The following HNRNPLL variants were observed in gnomAD, a reference collection of about 807,000 sequenced individuals.
HNRNPLL encodes heterogeneous nuclear ribonucleoprotein L like.
HNRNPLL carries 25 observed loss-of-function variants against 67.1 expected under a neutral mutation model. That is an observed-to-expected ratio of 0.37 (90% CI 0.27 to 0.52). The LOEUF (loss-of-function observed/expected upper bound fraction) is 0.52, where lower values mean the gene tolerates loss of function less well. Among genes scored for constraint, HNRNPLL ranks in the 20% least tolerant of loss-of-function variants. The probability of loss-of-function intolerance (pLI) is 0.90; values close to 1 mark genes in which losing one functional copy is unlikely to be tolerated. For synonymous variants in HNRNPLL, 267 were observed against 241.7 expected (o/e 1.10, Z -0.97); for missense variants, 542 against 673.9 (o/e 0.80, Z 2.17).
intron 6 of HNRNPLL, among the ~76,000 whole-genome samples, chr2:38,577,752 T>A (rs904778546): frequency 1.3e-5 from 2 of 152,120 alleles, no homozygotes; most frequent in African/African-American, 4.8e-5. Flanking sequence ...CTTGAATATA[T>A]CTTTTTGGCA....
intron 1 of HNRNPLL, among the ~76,000 whole-genome samples, chr2:38,597,964 G>A (rs1667273151): frequency 6.6e-6 from 1 of 152,076 alleles, no homozygotes; most frequent in Non-Finnish European, 1.5e-5. Flanking sequence ...TGGGATTACA[G>A]GCGTGAGCCA....
At chr2:38,594,700 G>C (rs1411781272) in intron 1 of HNRNPLL, among the ~76,000 whole-genome samples, 1 of 152,164 alleles carries the variant, frequency 6.6e-6, no homozygotes, top group African/African-American at 2.4e-5. Context: ...TGTAATCCCA[G>C]CACTTTGGGA....
intron 1 of HNRNPLL, among the ~76,000 whole-genome samples, chr2:38,596,106 A>G (rs1195281626): frequency 6.6e-6 from 1 of 151,736 alleles, no homozygotes; most frequent in Non-Finnish European, 1.5e-5. Flanking sequence ...CAAATATAAA[A>G]CCAATGTATC....
chr2:38,583,363 G>C (rs973995096), intron 4 of HNRNPLL, among the ~76,000 whole-genome samples: 8 of 152,036 alleles, frequency 5.3e-5, no homozygotes, highest in Admixed American at 1.3e-4. Context: ...TATTTAAGAT[G>C]GGTCCAGCTT....
At chr2:38,588,373 C>G (rs1416061999) in intron 2 of HNRNPLL, among the ~76,000 whole-genome samples, 2 of 151,822 alleles carry the variant, frequency 1.3e-5, no homozygotes, top group African/African-American at 4.8e-5. Flanking sequence ...GATGGTGAAA[C>G]CCTGTCTCTA....
rs1666544143 is a variant in HNRNPLL, at chr2:38,581,947, A to G, written c.768T>C (p.Ser256=). 1 of 1,612,934 alleles carries G rather than the reference A, an allele frequency of 6.2e-7. No homozygotes were observed. Among genetic ancestry groups the G allele is most frequent in the Non-Finnish European group, 8.5e-7 (1 of 1,178,944 alleles). The change falls in exon 6 of 13, where the codon AGT becomes AGC. Residue 256 remains serine, a synonymous_variant. Transcript: ENST00000449105. The part of the protein sequence containing the change: ...RLNVIRNDND[S]WDYTKPYLGR... ...CCAAATATGGTTTAGTGTAGTCCCA[A>G]CTGTCATTGTCATTCCTAATAACAT...
chr2:38,565,232 T>C (rs888040802), intron 12 of HNRNPLL, among the ~76,000 whole-genome samples: 7 of 152,152 alleles, frequency 4.6e-5, no homozygotes, highest in Non-Finnish European at 8.8e-5. Flanking sequence ...CATCAACAAG[T>C]GTGTACAAGA....
intron 7 of HNRNPLL, among the ~76,000 whole-genome samples, chr2:38,573,749 T>C (rs749750985): frequency 1.2e-4 from 18 of 151,854 alleles, no homozygotes; most frequent in Non-Finnish European, 1.8e-4. Context: ...GGCTACTGTA[T>C]ATAAATTATA....
chr2:38,590,393 AAC>A (rs1281561556), intron 2 of HNRNPLL, among the ~76,000 whole-genome samples: 1 of 152,192 alleles, frequency 6.6e-6, no homozygotes, highest in African/African-American at 2.4e-5. Flanking sequence ...TATCTCAGAA[AAC>A]ACACTGAAAT....
At chr2:38,589,182 C>T (rs1230535537) in intron 2 of HNRNPLL, among the ~76,000 whole-genome samples, 6 of 152,034 alleles carry the variant, frequency 3.9e-5, no homozygotes, top group African/African-American at 1.4e-4. Context: ...TTAAAAAATA[C>T]AAGCAATTTT....
At chr2:38,588,413 G>A (rs1181113965) in intron 2 of HNRNPLL, among the ~76,000 whole-genome samples, 1 of 151,960 alleles carries the variant, frequency 6.6e-6, no homozygotes, top group Non-Finnish European at 1.5e-5. Context: ...GCCAGGCACG[G>A]TGGCAGGCGC....
chr2:38,569,454 A>G (rs1665987741), intron 9 of HNRNPLL, 120 bp from the exon 10 acceptor site: 1 of 653,822 alleles, frequency 1.5e-6, no homozygotes, highest in Admixed American at 2.7e-5. Context: ...GCATACATAG[A>G]GCTATTTAAA....
chr2:38,566,402 G>C (rs1260192298), intron 12 of HNRNPLL, among the ~76,000 whole-genome samples: 2 of 146,090 alleles, frequency 1.4e-5, no homozygotes, highest in Non-Finnish European at 3.0e-5. Flanking sequence ...AACCAAAAAG[G>C]CCATTGTTAC....
At chr2:38,568,501 T>C (rs1418179952) in intron 10 of HNRNPLL, 58 bp from the exon 11 acceptor site, 4 of 1,131,146 alleles carry the variant, frequency 3.5e-6, no homozygotes, top group Non-Finnish European at 5.2e-6. Flanking sequence ...CCCACTTTTT[T>C]ACAGAAAGTA....
intron 2 of HNRNPLL, among the ~76,000 whole-genome samples, chr2:38,587,069 T>A (rs1666763350): frequency 6.6e-6 from 1 of 152,152 alleles, no homozygotes; most frequent in African/African-American, 2.4e-5. Context: ...TTAAGTGGTT[T>A]TCGTAATAGC....
intron 1 of HNRNPLL, among the ~76,000 whole-genome samples, chr2:38,592,882 A>T (rs1385109389): frequency 6.6e-6 from 1 of 152,246 alleles, no homozygotes; most frequent in Non-Finnish European, 1.5e-5. Flanking sequence ...ATTAAAATTT[A>T]ACAATTGTTT....
intron 4 of HNRNPLL, among the ~76,000 whole-genome samples, chr2:38,582,882 A>T (rs1266268897): frequency 6.6e-6 from 1 of 152,062 alleles, no homozygotes; most frequent in Non-Finnish European, 1.5e-5. Flanking sequence ...CTTAAAAAAA[A>T]AAAAAAAATC....
chr2:38,582,228 CA>C, intron 4 of HNRNPLL, 60 bp from the exon 5 acceptor site: 1 of 1,064,178 alleles, frequency 9.4e-7, no homozygotes, highest in Non-Finnish European at 1.5e-6. Flanking sequence ...TATTCACTCC[CA>C]AAGGACAGGA....
At chr2:38,593,763 C>G (rs371074794) in intron 1 of HNRNPLL, among the ~76,000 whole-genome samples, 1 of 151,820 alleles carries the variant, frequency 6.6e-6, no homozygotes, top group Admixed American at 6.6e-5. Flanking sequence ...ACTCGGGAGG[C>G]TGAGGCAGAG....
Sources: gnomAD v4.1 joint callset for allele counts (sites outside exome capture counted in the v4.1 genomes callset) on GRCh38, gnomAD v4.1.1 for gene constraint, MANE v1.5 for transcripts, NCBI Gene and HGNC (gene_info 2026-07-23, HGNC 2026-07-21) for gene names.